Variants in ATG10 observed in about 807,000 individuals in gnomAD.
ATG10 encodes autophagy related 10.
A neutral mutation model predicts 32.1 loss-of-function variants in ATG10; 30 were observed. The observed-to-expected ratio is 0.94, with a 90% CI of 0.70 to 1.27. The LOEUF is 1.27. Among genes scored for constraint, ATG10 ranks in the 50% most tolerant of loss-of-function variants. The pLI is 0.00. For missense variants in ATG10, 233 were observed against 262.3 expected, an observed-to-expected ratio of 0.89 and a Z score of 0.77; for synonymous variants, 87 against 91.5, an observed-to-expected ratio of 0.95 and a Z score of 0.28.
intron 5 of ATG10, among the ~76,000 whole-genome samples, chr5:82,200,085 C>G (rs1022457767): frequency 6.6e-6 from 1 of 152,116 alleles, no homozygotes; most frequent in Admixed American, 6.5e-5. Flanking sequence ...AAGAATAAAA[C>G]TACTAAAAAC....
At chr5:82,123,284 T>C (rs1009812397) in intron 3 of ATG10, among the ~76,000 whole-genome samples, 1 of 152,222 alleles carries the variant, frequency 6.6e-6, no homozygotes, top group African/African-American at 2.4e-5. Flanking sequence ...AATACCGTTA[T>C]GTTCTTACTT....
intron 2 of ATG10, among the ~76,000 whole-genome samples, chr5:82,013,774 CAT>C (rs1239342144): frequency 6.6e-6 from 1 of 151,812 alleles, no homozygotes; most frequent in Non-Finnish European, 1.5e-5. Context: ...AGCATTTTTT[CAT>C]ATGTTTGTTG....
intron 5 of ATG10, among the ~76,000 whole-genome samples, chr5:82,218,380 G>A (rs1261266591): frequency 6.6e-6 from 1 of 152,108 alleles, no homozygotes; most frequent in African/African-American, 2.4e-5. Flanking sequence ...AAATTCATAT[G>A]TCTTACTTTC....
chr5:82,066,739 ATT>A (rs1689939871), intron 3 of ATG10, among the ~76,000 whole-genome samples: 1 of 152,100 alleles, frequency 6.6e-6, no homozygotes. Context: ...TGCCCTAAGG[ATT>A]TTATTAGGTG....
chr5:81,986,066 G>A (rs1346896651), intron 1 of ATG10, among the ~76,000 whole-genome samples: 1 of 150,850 alleles, frequency 6.6e-6, no homozygotes, highest in Non-Finnish European at 1.5e-5. Flanking sequence ...GCCTGGCCAC[G>A]CCTGCCTAAT....
intron 1 of ATG10, among the ~76,000 whole-genome samples, chr5:81,976,002 T>A (rs959689120): frequency 6.7e-6 from 1 of 149,256 alleles, no homozygotes; most frequent in Non-Finnish European, 1.5e-5. Flanking sequence ...TTATTTATTT[T>A]ATCTTTTTTT....
At chr5:82,194,928 G>GTGACTCC (rs1158488565) in intron 5 of ATG10, among the ~76,000 whole-genome samples, 1 of 152,168 alleles carries the variant, frequency 6.6e-6, no homozygotes, top group Non-Finnish European at 1.5e-5. Context: ...GGGTTATTAA[G>GTGACTCC]CTAACCTAGC....
At chr5:81,988,737 A>C (rs1049677139) in intron 2 of ATG10, among the ~76,000 whole-genome samples, 1 of 152,088 alleles carries the variant, frequency 6.6e-6, no homozygotes, top group African/African-American at 2.4e-5. Flanking sequence ...CCTGGCCCAA[A>C]GTATTTTTTT....
At chr5:82,147,891 A>G (rs185976534) in intron 3 of ATG10, 1 of 152,512 alleles carries the variant, frequency 6.6e-6, no homozygotes. Flanking sequence ...AAAAACTGCA[A>G]AAACCAAATC....
chr5:81,990,270 G>C (rs1286632128), intron 2 of ATG10, among the ~76,000 whole-genome samples: 2 of 152,098 alleles, frequency 1.3e-5, no homozygotes, highest in African/African-American at 2.4e-5. Context: ...GACCCCTTTT[G>C]ACCTGTAATA....
At position 82,135,094 on chromosome 5, in the gene ATG10, G is replaced by A. The variant is rs551923903; in HGVS notation, c.217-29305G>A. 1.5e-3 allele frequency among the ~76,000 whole-genome samples: 230 copies of A among 151,574 alleles called. 1 individual carries two copies. Among genetic ancestry groups the A allele is most frequent in the African/African-American group, 5.5e-3 (225 of 41,074 alleles). ...TCTCCCCTTTATCATTTTTTATTGTGTCTATTTGATTCTTCTCTGTTTTCT... is the reference window on the plus strand; with the variant it reads ...TCTCCCCTTTATCATTTTTTATTGTATCTATTTGATTCTTCTCTGTTTTCT... On this transcript the variant is annotated intron_variant, in intron 3 of 7. Transcript: ENST00000282185.
At chr5:82,249,064 A>AT (rs1747140214) in intron 5 of ATG10, among the ~76,000 whole-genome samples, 2 of 152,150 alleles carry the variant, frequency 1.3e-5, no homozygotes, top group Non-Finnish European at 2.9e-5. Flanking sequence ...ATTGCCATGC[A>AT]TTTTATTCTA....
intron 1 of ATG10, among the ~76,000 whole-genome samples, chr5:81,979,946 G>A (rs1463484375): frequency 6.7e-6 from 1 of 150,202 alleles, no homozygotes; most frequent in Non-Finnish European, 1.5e-5. Context: ...TGTGTTCTTT[G>A]TCCTTCCATC....
chr5:81,989,035 T>G (rs922671937), intron 2 of ATG10, among the ~76,000 whole-genome samples: 1 of 152,098 alleles, frequency 6.6e-6, no homozygotes, highest in African/African-American at 2.4e-5. Context: ...TTTGGCCATG[T>G]TGGCCAGGCT....
chr5:82,202,347 G>GA (rs558384287), intron 5 of ATG10, among the ~76,000 whole-genome samples: 20 of 150,972 alleles, frequency 1.3e-4, no homozygotes, highest in African/African-American at 4.4e-4. Context: ...GGCCTTAACA[G>GA]AAAAAAAAAC....
intron 2 of ATG10, among the ~76,000 whole-genome samples, chr5:82,050,450 A>G (rs768854982): frequency 2.0e-5 from 3 of 152,038 alleles, no homozygotes; most frequent in East Asian, 1.9e-4. Flanking sequence ...TTATTTTTAC[A>G]TCATCAAGAT....
intron 2 of ATG10, among the ~76,000 whole-genome samples, chr5:82,002,707 T>C (rs1288590324): frequency 6.6e-6 from 1 of 152,196 alleles, no homozygotes; most frequent in Non-Finnish European, 1.5e-5. Flanking sequence ...GCTTATAACC[T>C]GGGTGATGAA....
intron 2 of ATG10, among the ~76,000 whole-genome samples, chr5:82,035,727 A>G (rs1762897365): frequency 2.0e-5 from 3 of 148,498 alleles, no homozygotes; most frequent in African/African-American, 2.4e-5. Flanking sequence ...TTGATTTGTA[A>G]AAATAACATA....
chr5:82,005,363 C>T (rs951275363), intron 2 of ATG10, among the ~76,000 whole-genome samples: 5 of 152,162 alleles, frequency 3.3e-5, no homozygotes, highest in South Asian at 2.1e-4. Context: ...GGCACTGTGT[C>T]GGCTCACTGC....
Sources: gnomAD v4.1 joint callset for allele counts (sites outside exome capture counted in the v4.1 genomes callset) on GRCh38, gnomAD v4.1.1 for gene constraint, MANE v1.5 for transcripts, NCBI Gene and HGNC (gene_info 2026-07-23, HGNC 2026-07-21) for gene names.